The following IMMP2L variants were observed in gnomAD, a reference collection of about 807,000 sequenced individuals.
The protein encoded by IMMP2L is inner mitochondrial membrane peptidase subunit 2, also known as mitochondrial inner membrane protease subunit 2.
In IMMP2L, 18 loss-of-function variants were observed where a neutral mutation model predicts 19.3. The ratio of observed to expected loss-of-function variants is 0.93; its 90% CI spans 0.64 to 1.38. The LOEUF is 1.38. IMMP2L is among the 40% of genes most tolerant of loss of function. The pLI is 0.00. For synonymous variants in IMMP2L, 76 were observed against 73.0 expected (o/e 1.04, Z -0.21); for missense variants, 233 against 218.2 (o/e 1.07, Z -0.43).
At chr7:111,511,163 C>T (rs1845401842) in intron 2 of IMMP2L, among the ~76,000 whole-genome samples, 2 of 152,052 alleles carry the variant, frequency 1.3e-5, no homozygotes, top group African/African-American at 4.8e-5. Flanking sequence ...AACTAAAACA[C>T]CCTGAACATA....
At chr7:111,416,844 C>A (rs1380982545) in intron 3 of IMMP2L, among the ~76,000 whole-genome samples, 2 of 151,520 alleles carry the variant, frequency 1.3e-5, no homozygotes, top group African/African-American at 2.4e-5. Flanking sequence ...CCCTAAACAA[C>A]ATCCAAAGTT....
rs566597381 is a variant in IMMP2L, at chr7:111,356,648, C to A, written c.239+130590G>T. Among the ~76,000 whole-genome samples, 84 of 152,200 alleles carry A rather than the reference C, an allele frequency of 5.5e-4. 1 individual carries two copies. In the South Asian group the frequency reaches 0.011, roughly 20 times the overall value. ...CATATAAACAATGCTATAAAGTTAA[C>A]TTTCCAGATAAACTGAAATAAAACT... On this transcript the variant is annotated intron_variant, in intron 3 of 5. Transcript: ENST00000405709.
At chr7:110,746,145 A>G (rs535273689) in intron 5 of IMMP2L, among the ~76,000 whole-genome samples, 2 of 152,340 alleles carry the variant, frequency 1.3e-5, no homozygotes, top group East Asian at 1.9e-4. Context: ...AACAAAGATC[A>G]AAACAGACAA....
chr7:111,059,766 T>A (rs1793847065), intron 3 of IMMP2L, among the ~76,000 whole-genome samples: 1 of 152,148 alleles, frequency 6.6e-6, no homozygotes, highest in South Asian at 2.1e-4. Flanking sequence ...AAACTTAATA[T>A]CCTTGCCTTC....
Position 110,998,851 on chromosome 7 carries a change from A to G in IMMP2L, c.240-35286T>C, listed in dbSNP as rs370861481. On this transcript the variant is annotated intron_variant, in intron 3 of 5. Coordinates refer to ENST00000405709, the MANE Select transcript of IMMP2L (RefSeq NM_032549.4). ...GCCCCCTCAGATTCAAGGGGAGAGG[A>G]TATAGGATCACAGCTCTCAATGGGA... is the stretch of plus-strand genomic sequence containing the variant. Among the ~76,000 whole-genome samples, 3 of 152,188 alleles carry G rather than the reference A, an allele frequency of 2.0e-5. No individual in the cohort carries two copies. The East Asian group carries it at 5.8e-4, about 29-fold the overall frequency.
intron 4 of IMMP2L, among the ~76,000 whole-genome samples, chr7:110,934,506 G>A (rs1815860214): frequency 1.3e-5 from 2 of 152,090 alleles, no homozygotes; most frequent in Admixed American, 1.3e-4. Context: ...TAGAAGGCTG[G>A]ATCTGATCCC....
chr7:110,984,720 A>G (rs1821676773), intron 3 of IMMP2L, among the ~76,000 whole-genome samples: 1 of 152,124 alleles, frequency 6.6e-6, no homozygotes, highest in Non-Finnish European at 1.5e-5. Context: ...ACCTAATTTT[A>G]GTAAAAACAC....
intron 3 of IMMP2L, among the ~76,000 whole-genome samples, chr7:111,455,130 T>C (rs1006057805): frequency 6.6e-6 from 1 of 151,920 alleles, no homozygotes; most frequent in Non-Finnish European, 1.5e-5. Context: ...CACAGAATAA[T>C]ACAAACAATT....
At chr7:111,548,336 A>C (rs1487516513) in intron 1 of IMMP2L, among the ~76,000 whole-genome samples, 3 of 152,034 alleles carry the variant, frequency 2.0e-5, no homozygotes, top group Non-Finnish European at 4.4e-5. Flanking sequence ...ATCAGGTAAC[A>C]CCTAACAGGA....
intron 3 of IMMP2L, among the ~76,000 whole-genome samples, chr7:111,303,515 C>CT (rs1332084446): frequency 6.6e-6 from 1 of 152,010 alleles, no homozygotes; most frequent in African/African-American, 2.4e-5. Flanking sequence ...TTTCTATGAT[C>CT]ATGACTATGC....
At chr7:110,998,540 T>G (rs1246208924) in intron 3 of IMMP2L, among the ~76,000 whole-genome samples, 1 of 152,210 alleles carries the variant, frequency 6.6e-6, no homozygotes, top group Non-Finnish European at 1.5e-5. Flanking sequence ...AATCAAAGTT[T>G]GCTAAGTTGG....
intron 3 of IMMP2L, among the ~76,000 whole-genome samples, chr7:111,429,766 G>C (rs1836447665): frequency 6.6e-6 from 1 of 151,840 alleles, no homozygotes; most frequent in South Asian, 2.1e-4. Flanking sequence ...TATCTTCCTA[G>C]AGATCCCTTT....
intron 4 of IMMP2L, among the ~76,000 whole-genome samples, chr7:110,909,814 G>A (rs933114749): frequency 6.6e-6 from 1 of 151,928 alleles, no homozygotes; most frequent in Non-Finnish European, 1.5e-5. Context: ...ATTCATTAAA[G>A]TATATCTGTA....
In IMMP2L at chr7:111,483,148, A is replaced by AT. The variant is rs147115041; in HGVS notation, c.239+4089dup. ...AACTATGGTTCTATATAATGTTAATATTAGGGGATTTGTGGGAACTCTCTA... is the reference window on the plus strand; with the variant it reads ...AACTATGGTTCTATATAATGTTAATATTTAGGGGATTTGTGGGAACTCTCTA... On this transcript the variant is annotated intron_variant, in intron 3 of 5. Coordinates refer to ENST00000405709, the MANE Select transcript of IMMP2L (RefSeq NM_032549.4). Among the ~76,000 whole-genome samples the AT allele has an allele frequency of 5.6e-3, 847 of 152,284 alleles. 13 individuals are homozygous for AT. Among genetic ancestry groups the AT allele is most frequent in the African/African-American group, 0.019 (781 of 41,566 alleles).
intron 3 of IMMP2L, among the ~76,000 whole-genome samples, chr7:111,465,758 T>A (rs1471693287): frequency 2.0e-5 from 3 of 152,074 alleles, no homozygotes; most frequent in Non-Finnish European, 2.9e-5. Flanking sequence ...ATTGTGGAAG[T>A]CAGTGTGGTG....
At chr7:111,458,238 C>T (rs185702976) in intron 3 of IMMP2L, among the ~76,000 whole-genome samples, 1 of 152,018 alleles carries the variant, frequency 6.6e-6, no homozygotes, top group Admixed American at 6.5e-5. Context: ...TTTAGCTGGG[C>T]GTGATGGCGT....
intron 5 of IMMP2L, among the ~76,000 whole-genome samples, chr7:110,810,401 T>C (rs887177333): frequency 3.9e-5 from 6 of 152,098 alleles, no homozygotes; most frequent in African/African-American, 1.2e-4. Context: ...GGAGCTATTA[T>C]GTTACCCATT....
intron 3 of IMMP2L, among the ~76,000 whole-genome samples, chr7:111,054,087 A>G (rs557947385): frequency 2.6e-5 from 4 of 152,294 alleles, no homozygotes; most frequent in African/African-American, 9.6e-5. Context: ...AAATCAGTGC[A>G]CTAAAATCTT....
chr7:111,022,083 G>A (rs1826344233), intron 3 of IMMP2L, among the ~76,000 whole-genome samples: 1 of 152,152 alleles, frequency 6.6e-6, no homozygotes, highest in Non-Finnish European at 1.5e-5. Flanking sequence ...CATTTCCTAA[G>A]TAGAATCACC....
Sources: gnomAD v4.1 joint callset for allele counts (sites outside exome capture counted in the v4.1 genomes callset) on GRCh38, gnomAD v4.1.1 for gene constraint, MANE v1.5 for transcripts, NCBI Gene and HGNC (gene_info 2026-07-23, HGNC 2026-07-21) for gene names.